Variants in ZNF462 observed in about 807,000 individuals in gnomAD.
ZNF462 encodes the protein zinc finger protein 462, also known as zinc finger PBX1-interacting protein.
Under a neutral mutation model 201.9 loss-of-function variants are expected in ZNF462, and 10 were observed. That is an observed-to-expected ratio of 0.05 (90% CI 0.03 to 0.08). The LOEUF is 0.08. ZNF462 is among the 10% of genes least tolerant of loss of function. ZNF462 has a pLI of 1.00. For synonymous variants in ZNF462, 1,227 were observed against 1,193.3 expected, an observed-to-expected ratio of 1.03 and a Z score of -0.58; for missense variants, 2,523 against 3,168.3, an observed-to-expected ratio of 0.80 and a Z score of 4.89.
rs986841734 is a variant in ZNF462, at chr9:106,971,662, G to A, written c.6428-343G>A. Among the ~76,000 whole-genome samples the A allele has an allele frequency of 3.3e-5, 5 of 151,960 alleles. No homozygotes were observed. The Middle Eastern group carries it at 0.01, about 312-fold the overall frequency. Reference sequence around the variant, plus strand: ...CGTTATAAAATTAGTAAGTTCTAGGGATCCAATGTGCAGCATAGTGACTAT... The same window carrying A: ...CGTTATAAAATTAGTAAGTTCTAGGAATCCAATGTGCAGCATAGTGACTAT... On this transcript the variant is annotated intron_variant, in intron 7 of 12. Coordinates refer to ENST00000277225, the MANE Select transcript of ZNF462 (RefSeq NM_021224.6).
chr9:106,860,820 C>T (rs1391010591), upstream of ZNF462, among the ~76,000 whole-genome samples: 3 of 152,230 alleles, frequency 2.0e-5, no homozygotes, highest in African/African-American at 7.2e-5. The surrounding 1 kb of genome is among the most constrained non-coding windows in gnomAD (Gnocchi z 7.1). Flanking sequence ...GGGAGGAGCT[C>T]GGGGCAGGAG....
chr9:106,951,089 CAA>C (rs113029598), intron 7 of ZNF462, among the ~76,000 whole-genome samples: 1 of 140,682 alleles, frequency 7.1e-6, no homozygotes, highest in Non-Finnish European at 1.6e-5. Flanking sequence ...AACTCCATCT[CAA>C]AAAAAAAAAA....
intron 7 of ZNF462, among the ~76,000 whole-genome samples, chr9:106,961,735 T>C (rs918288724): frequency 6.6e-6 from 1 of 151,964 alleles, no homozygotes; most frequent in Non-Finnish European, 1.5e-5. Flanking sequence ...AAATTAACCT[T>C]AATACAGCAT....
intron 1 of ZNF462, among the ~76,000 whole-genome samples, chr9:106,893,377 G>A (rs535580154): frequency 9.3e-4 from 142 of 152,328 alleles, no homozygotes; most frequent in African/African-American, 3.2e-3. Context: ...TTGTGAGAAT[G>A]TATCATCATG....
chr9:106,922,952 C>T (rs1049073166), intron 1 of ZNF462, among the ~76,000 whole-genome samples: 2 of 152,150 alleles, frequency 1.3e-5, no homozygotes, highest in Non-Finnish European at 2.9e-5. Context: ...GTGTGGACAT[C>T]CTCTTTACTT....
intron 1 of ZNF462, among the ~76,000 whole-genome samples, chr9:106,889,352 C>T (rs1025502652): frequency 3.3e-5 from 5 of 152,206 alleles, no homozygotes; most frequent in African/African-American, 1.2e-4. Flanking sequence ...CGTTAACGAG[C>T]TCAGGGTGTT....
In ZNF462 at chr9:106,927,212, C is replaced by A. The variant is rs772547511; in HGVS notation, c.3300C>A (p.Pro1100=). The change falls in exon 3 of 13, where the codon CCC becomes CCA. Residue 1100 remains proline, a synonymous_variant. Coordinates refer to ENST00000277225, the MANE Select transcript of ZNF462 (RefSeq NM_021224.6). ...SPKMSNMGSP[P]PPQPPPPDLS... Reference sequence around the variant, plus strand: ...AAATGTCCAACATGGGTTCCCCACCCCCCCCACAACCCCCGCCACCAGACC... The same window carrying A: ...AAATGTCCAACATGGGTTCCCCACCACCCCCACAACCCCCGCCACCAGACC... 5.0e-6 allele frequency: 8 copies of A among 1,606,792 alleles called. No homozygotes were observed. Among genetic ancestry groups the A allele is most frequent in the East Asian group, 2.2e-5 (1 of 44,762 alleles).
intron 1 of ZNF462, among the ~76,000 whole-genome samples, chr9:106,864,781 T>A (rs1297370925): frequency 6.6e-6 from 1 of 152,120 alleles, no homozygotes; most frequent in Non-Finnish European, 1.5e-5. Flanking sequence ...GGGCTGTGTC[T>A]GAGTGTCTGT....
rs1487094555 is a variant in ZNF462 at position 106,902,451 on chromosome 9, G to A, written c.-30-20903G>A. On this transcript the variant is annotated intron_variant, in intron 1 of 12. Coordinates refer to ENST00000277225, the MANE Select transcript of ZNF462 (RefSeq NM_021224.6). This position sits in a 1 kb window ranked among gnomAD's most constrained non-coding sequence, Gnocchi z 4.2. ...TGGATTCATAGAATGAATTAGGGAG[G>A]GTTCTCTCTCTCTCTCTGTCTTGTG... Among the ~76,000 whole-genome samples the A allele has an allele frequency of 1.3e-5, 2 of 151,840 alleles. No individual in the cohort carries two copies. Among genetic ancestry groups the A allele is most frequent in the Middle Eastern group, 3.4e-3 (1 of 294 alleles).
rs1424852778 is a variant in ZNF462 at position 106,925,781 on chromosome 9, T to A, written c.1869T>A (p.His623Gln). Residue 623 changes from histidine (H) to glutamine (Q), a missense_variant, in exon 3 of 13, where the codon CAT becomes CAA. Transcript: ENST00000277225. The surrounding 1 kb of genome is among the most constrained non-coding windows in gnomAD (Gnocchi z 7.9). ...TAAGAGTCCATCAGCAGCATAAACA[T>A]TCATTCTGTGACAACTTGCCAAAAT... ...KGLRVHQQHK[H>Q]SFCDNLPKFE... 1 of 1,614,046 alleles carries A rather than the reference T, an allele frequency of 6.2e-7. No individual in the cohort carries two copies. The highest frequency in any genetic ancestry group is 8.5e-7 in the Non-Finnish European group (1 of 1,180,028).
intron 1 of ZNF462, among the ~76,000 whole-genome samples, chr9:106,915,435 C>T (rs1829732075): frequency 6.6e-6 from 1 of 152,146 alleles, no homozygotes. Context: ...TAGGAATAAA[C>T]TTACTTGCTA....
upstream of ZNF462, among the ~76,000 whole-genome samples, chr9:106,862,847 C>CT (rs1339487995): frequency 6.6e-6 from 1 of 152,038 alleles, no homozygotes; most frequent in Admixed American, 6.5e-5. The surrounding 1 kb of genome is among the most constrained non-coding windows in gnomAD (Gnocchi z 4.2). Context: ...TTCTTTCTTT[C>CT]TTTTTTTCCT....
chr9:107,009,675 T>C lies in ZNF462; in HGVS notation c.7313+7T>C. 1.4e-6 allele frequency: 2 copies of C among 1,448,608 alleles called. No individual in the cohort carries two copies. Among genetic ancestry groups the C allele is most frequent in the Non-Finnish European group, 1.9e-6 (2 of 1,078,460 alleles). 89.7% of individuals were successfully genotyped at this position (1,448,608 alleles called of 1,614,324 possible). On this transcript the variant is annotated splice_region_variant and intron_variant, in intron 12 of 12. Transcript: ENST00000277225. The surrounding 1 kb of genome is among the most constrained non-coding windows in gnomAD (Gnocchi z 6.1). ...ATGTGCTGAGACACGGCATGTAAGT[T>C]GGGCCACTTCAAGGATGCCTTTGTC...
rs770255210 is a variant in ZNF462 at position 106,926,825 on chromosome 9, T to C, written c.2913T>C (p.Asn971=). The change falls in exon 3 of 13, where the codon AAT becomes AAC. Residue 971 remains asparagine (N), a synonymous_variant. Transcript: ENST00000277225. This position sits in a 1 kb window ranked among gnomAD's most constrained non-coding sequence, Gnocchi z 7.9. The stretch of plus-strand genomic sequence containing the variant: ...TCGTGGAGCAGCAGGAAGGGCTGAA[T>C]ACAGAATCCCAGACCCTGAGGGAGA... ...SYVVEQQEGL[N]TESQTLREIL... is the part of the protein sequence containing the mutation. 1 of 1,614,174 alleles carries C rather than the reference T, an allele frequency of 6.2e-7. No homozygotes were observed. Among genetic ancestry groups the C allele is most frequent in the Non-Finnish European group, 8.5e-7 (1 of 1,180,036 alleles).
At chr9:106,956,457 A>G (rs1483344409) in intron 7 of ZNF462, among the ~76,000 whole-genome samples, 6 of 152,166 alleles carry the variant, frequency 3.9e-5, no homozygotes. Flanking sequence ...CACAGAGTAC[A>G]ATTAGCATAA....
rs934417072 is a variant in ZNF462 at position 106,880,749 on chromosome 9, T to A, written c.-31+17394T>A. Among the ~76,000 whole-genome samples the A allele has an allele frequency of 2.0e-5, 3 of 152,186 alleles. No homozygotes were observed. Among genetic ancestry groups the A allele is most frequent in the African/African-American group, 7.2e-5 (3 of 41,454 alleles). The stretch of plus-strand genomic sequence containing the variant: ...TTCAGTATAAGGGAAAAGTAAAACA[T>A]TTTGGTTCCTTTGTGAATTAAAAAG... On this transcript the variant is annotated intron_variant, in intron 1 of 12. Coordinates refer to ENST00000277225, the MANE Select transcript of ZNF462 (RefSeq NM_021224.6). The surrounding 1 kb of genome is among the most constrained non-coding windows in gnomAD (Gnocchi z 4.1).
Position 106,885,700 on chromosome 9 carries a change from A to G in ZNF462, c.-31+22345A>G, listed in dbSNP as rs966605173. Among the ~76,000 whole-genome samples, 1 of 152,230 alleles carries G rather than the reference A, an allele frequency of 6.6e-6. No homozygotes were observed. The highest frequency in any genetic ancestry group is 1.5e-5 in the Non-Finnish European group (1 of 68,038). On this transcript the variant is annotated intron_variant, in intron 1 of 12. Transcript: ENST00000277225. This position sits in a 1 kb window ranked among gnomAD's most constrained non-coding sequence, Gnocchi z 4.1. ...AGTTCCAGCTGCCCCAGCAGAACTC[A>G]GCATTAGGTCACCCTTTAGGCGTAT...
In ZNF462 at chr9:106,972,678, G is replaced by A. The variant is rs943985684; in HGVS notation, c.6695+406G>A. Among the ~76,000 whole-genome samples, 3 of 152,114 alleles carry A rather than the reference G, an allele frequency of 2.0e-5. No individual in the cohort carries two copies. The highest frequency in any genetic ancestry group is 7.2e-5 in the African/African-American group (3 of 41,420). ...AACATCCGGCAGTAGTGTCTTCCCT[G>A]CTCCCCTGATAGAAAATTCTTTAAT... On this transcript the variant is annotated intron_variant, in intron 8 of 12. Coordinates refer to ENST00000277225, the MANE Select transcript of ZNF462 (RefSeq NM_021224.6). This position sits in a 1 kb window ranked among gnomAD's most constrained non-coding sequence, Gnocchi z 4.8.
At chr9:106,888,064 C>T (rs543232048) in intron 1 of ZNF462, among the ~76,000 whole-genome samples, 1 of 145,084 alleles carries the variant, frequency 6.9e-6, no homozygotes, top group Non-Finnish European at 1.5e-5. Flanking sequence ...TTTTTTGAGA[C>T]GGAGTCTCCC....
Sources: allele counts gnomAD v4.1 joint callset (sites outside exome capture counted in the v4.1 genomes callset), GRCh38; gene constraint gnomAD v4.1.1; non-coding constraint Gnocchi (gnomAD v3.1); transcripts MANE v1.5; gene names NCBI Gene and HGNC (gene_info 2026-07-23, HGNC 2026-07-21).